Variants in VPS13B observed in about 807,000 individuals in gnomAD.
VPS13B encodes the protein vacuolar protein sorting 13 homolog B, also known as intermembrane lipid transfer protein VPS13B.
Under a neutral mutation model 426.4 loss-of-function variants are expected in VPS13B, and 285 were observed. The observed-to-expected ratio is 0.67, with a 90% CI of 0.61 to 0.74. The LOEUF is 0.74. Among genes scored for constraint, VPS13B ranks in the 30% least tolerant of loss-of-function variants. The pLI is 0.00. For missense variants in VPS13B, 4,537 were observed against 4,782.6 expected (o/e 0.95, Z 1.51); for synonymous variants, 1,676 against 1,676.4 (o/e 1.00, Z 0.01).
intron 23 of VPS13B, among the ~76,000 whole-genome samples, chr8:99,443,955 T>C (rs1456746362): frequency 6.6e-6 from 1 of 152,154 alleles, no homozygotes; most frequent in African/African-American, 2.4e-5. Flanking sequence ...GTTCTAATTT[T>C]TTCACATCTG....
chr8:99,356,964 T>C (rs1159245365), intron 19 of VPS13B, among the ~76,000 whole-genome samples: 1 of 152,186 alleles, frequency 6.6e-6, no homozygotes, highest in African/African-American at 2.4e-5. Context: ...TCTGAAATAT[T>C]TATTATAGAA....
intron 3 of VPS13B, among the ~76,000 whole-genome samples, chr8:99,041,619 C>T (rs1000283300): frequency 2.6e-5 from 4 of 151,982 alleles, no homozygotes; most frequent in East Asian, 1.9e-4. Flanking sequence ...TTTGGGAGGC[C>T]GAGGCGGGTG....
intron 17 of VPS13B, among the ~76,000 whole-genome samples, chr8:99,266,344 C>T (rs951321174): frequency 1.3e-5 from 2 of 151,212 alleles, no homozygotes; most frequent in African/African-American, 2.4e-5. Context: ...CCCAGGAGCT[C>T]GATATTACAG....
At chr8:99,680,077 A>G (rs1021238100) in intron 35 of VPS13B, among the ~76,000 whole-genome samples, 9 of 152,182 alleles carry the variant, frequency 5.9e-5, no homozygotes, top group African/African-American at 2.2e-4. Flanking sequence ...AAAATTTTTT[A>G]TCTTTTGCAA....
chr8:99,372,249 C>CAAA (rs34602174), intron 19 of VPS13B, among the ~76,000 whole-genome samples: 2 of 84,656 alleles, frequency 2.4e-5, no homozygotes, highest in African/African-American at 3.9e-5. Context: ...GACTCCGTCT[C>CAAA]AAAAAAAAAA....
chr8:99,559,658 T>C (rs1160433772), intron 31 of VPS13B, among the ~76,000 whole-genome samples: 2 of 152,230 alleles, frequency 1.3e-5, no homozygotes, highest in Non-Finnish European at 2.9e-5. Context: ...ATTTATTATA[T>C]AGGAAATCCT....
At chr8:99,697,669 G>T in intron 35 of VPS13B, 1 of 648,212 alleles carries the variant, frequency 1.5e-6, no homozygotes, top group Non-Finnish European at 2.9e-6. Context: ...GCAGATGATC[G>T]GGCAGATCGA....
At chr8:99,628,371 A>G (rs550845469) in intron 33 of VPS13B, among the ~76,000 whole-genome samples, 4 of 152,322 alleles carry the variant, frequency 2.6e-5, no homozygotes, top group Admixed American at 2.6e-4. Flanking sequence ...CTGGAAAGCC[A>G]TCTGTCTGAA....
chr8:99,483,890 C>T (rs1820170051), intron 25 of VPS13B, among the ~76,000 whole-genome samples: 1 of 152,100 alleles, frequency 6.6e-6, no homozygotes, highest in African/African-American at 2.4e-5. Flanking sequence ...GAATCCTACA[C>T]TCTAGCATTG....
chr8:99,867,586 C>A (rs1817172340), intron 58 of VPS13B, among the ~76,000 whole-genome samples: 1 of 152,124 alleles, frequency 6.6e-6, no homozygotes, highest in African/African-American at 2.4e-5. Flanking sequence ...GACTCAAACT[C>A]TCTGTACACT....
intron 24 of VPS13B, 136 bp from the exon 25 acceptor site, chr8:99,481,463 T>C (rs1820034570): frequency 1.1e-6 from 1 of 932,208 alleles, no homozygotes; most frequent in Admixed American, 1.8e-5. Flanking sequence ...GTTAAAGTGA[T>C]CAGTGATGCA....
At chr8:99,369,761 G>GT (rs1034204152) in intron 19 of VPS13B, among the ~76,000 whole-genome samples, 2 of 152,150 alleles carry the variant, frequency 1.3e-5, no homozygotes, top group African/African-American at 4.8e-5. Flanking sequence ...AATATGAGGA[G>GT]TTTCATCTAT....
chr8:99,666,356 AAG>A (rs1414302549), intron 35 of VPS13B, among the ~76,000 whole-genome samples: 1 of 152,178 alleles, frequency 6.6e-6, no homozygotes, highest in East Asian at 1.9e-4. Flanking sequence ...ACACAACCAA[AAG>A]AGAGAATTTT....
At chr8:99,183,433 T>C (rs73285912) in intron 16 of VPS13B, among the ~76,000 whole-genome samples, 1,878 of 152,330 alleles carry the variant, frequency 0.012, 35 homozygotes, top group Middle Eastern at 0.041. Context: ...TGGGGAGATA[T>C]GCAGCCTAGT....
chr8:99,120,786 G>A (rs1847896012), intron 7 of VPS13B, among the ~76,000 whole-genome samples: 1 of 151,968 alleles, frequency 6.6e-6, no homozygotes, highest in South Asian at 2.1e-4. Context: ...GTGGTATTAT[G>A]TTTCTGAGAA....
chr8:99,392,188 G>T (rs1814484385), intron 21 of VPS13B, among the ~76,000 whole-genome samples: 1 of 152,042 alleles, frequency 6.6e-6, no homozygotes, highest in African/African-American at 2.4e-5. Flanking sequence ...TTCTTTAAGT[G>T]AATTCTTGAA....
intron 5 of VPS13B, among the ~76,000 whole-genome samples, chr8:99,110,058 A>G (rs1410981057): frequency 6.6e-6 from 1 of 152,144 alleles, no homozygotes; most frequent in Admixed American, 6.5e-5. Context: ...AATTTGAAAT[A>G]TGGTAGTCAT....
chr8:99,181,460 T>C (rs1812941463), intron 16 of VPS13B, among the ~76,000 whole-genome samples: 2 of 152,220 alleles, frequency 1.3e-5, no homozygotes, highest in African/African-American at 4.8e-5. Context: ...CATTTAAATA[T>C]AGGCTCTGCC....
chr8:99,421,223 T>TTTC (rs1816352730), intron 21 of VPS13B, among the ~76,000 whole-genome samples: 1 of 152,156 alleles, frequency 6.6e-6, no homozygotes, highest in African/African-American at 2.4e-5. Context: ...CCCCAAGATA[T>TTTC]AATTGTTGAT....
Sources: allele counts gnomAD v4.1 joint callset (sites outside exome capture counted in the v4.1 genomes callset), GRCh38; gene constraint gnomAD v4.1.1; transcripts MANE v1.5; gene names NCBI Gene and HGNC (gene_info 2026-07-23, HGNC 2026-07-21).